SHISA9: variants seen among roughly 807,000 people sequenced by gnomAD.
The protein encoded by SHISA9 is shisa family member 9.
A neutral mutation model predicts 38.0 loss-of-function variants in SHISA9; 13 were observed. The observed-to-expected ratio is 0.34, with a 90% confidence interval of 0.22 to 0.54. The LOEUF is 0.54. SHISA9 is among the 20% of genes least tolerant of loss of function. The pLI is 0.91. For synonymous variants in SHISA9, 275 were observed against 242.0 expected (o/e 1.14, Z -1.27); for missense variants, 538 against 575.8 (o/e 0.93, Z 0.67).
the SHISA9 span, among the ~76,000 whole-genome samples, chr16:13,488,906 C>G: frequency 1.3e-5 from 2 of 152,104 alleles, no homozygotes; most frequent in Admixed American, 6.5e-5. Context: ...GGACTACAGG[C>G]GCCTGCCACC....
intron 2 of SHISA9, among the ~76,000 whole-genome samples, chr16:13,011,370 A>C (rs2072672231): frequency 1.4e-5 from 2 of 142,774 alleles, no homozygotes; most frequent in Admixed American, 1.5e-4. Context: ...CATTTAGCAC[A>C]AATCCCCAAT....
At chr16:13,251,285 G>A in the SHISA9 span, among the ~76,000 whole-genome samples, 1 of 152,060 alleles carries the variant, frequency 6.6e-6, no homozygotes, top group East Asian at 1.9e-4. Context: ...CCCAACTCCT[G>A]TATTTGATAT....
At chr16:13,115,790 G>A (rs1000550331) in intron 2 of SHISA9, among the ~76,000 whole-genome samples, 2 of 152,202 alleles carry the variant, frequency 1.3e-5, no homozygotes, top group Non-Finnish European at 2.9e-5. Flanking sequence ...CAGCTGACTA[G>A]TAGCTTACCT....
intron 2 of SHISA9, among the ~76,000 whole-genome samples, chr16:13,106,967 TCTC>T (rs2073930979): frequency 3.3e-4 from 1 of 3,024 alleles, no homozygotes; most frequent in South Asian, 0.015. Context: ...TTTCTCACGT[TCTC>T]TCTCTCTCTC....
At chr16:13,160,667 T>C (rs2050587315) in intron 2 of SHISA9, among the ~76,000 whole-genome samples, 1 of 152,186 alleles carries the variant, frequency 6.6e-6, no homozygotes, top group Non-Finnish European at 1.5e-5. Context: ...ATGCGCTCTT[T>C]GGGGCAGGTT....
chr16:13,066,134 C>A (rs1470335537), intron 2 of SHISA9, among the ~76,000 whole-genome samples: 1 of 152,268 alleles, frequency 6.6e-6, no homozygotes, highest in Non-Finnish European at 1.5e-5. Context: ...CATCCTTTTC[C>A]TCTTGCTATG....
At chr16:13,327,831 A>AT in the SHISA9 span, among the ~76,000 whole-genome samples, 40 of 151,300 alleles carry the variant, frequency 2.6e-4, no homozygotes, top group Non-Finnish European at 4.6e-4. Context: ...TAATTTTTGT[A>AT]TTTTTTTAGT....
the SHISA9 span, among the ~76,000 whole-genome samples, chr16:13,392,423 A>G: frequency 6.6e-6 from 1 of 152,204 alleles, no homozygotes; most frequent in Non-Finnish European, 1.5e-5. Flanking sequence ...TAAAAAAGAA[A>G]ACATGTTTCA....
At chr16:13,205,351 T>C (rs2051054089) in intron 3 of SHISA9, among the ~76,000 whole-genome samples, 1 of 152,222 alleles carries the variant, frequency 6.6e-6, no homozygotes, top group Non-Finnish European at 1.5e-5. Context: ...GGGAAATTCC[T>C]TTTCTTTCCT....
intron 2 of SHISA9, among the ~76,000 whole-genome samples, chr16:13,102,498 A>T (rs1485554021): frequency 6.6e-6 from 1 of 152,194 alleles, no homozygotes; most frequent in Non-Finnish European, 1.5e-5. Flanking sequence ...TGGAACACTG[A>T]GAGGCAAGGG....
At chr16:13,306,978 TTACAC>T in the SHISA9 span, among the ~76,000 whole-genome samples, 2 of 152,336 alleles carry the variant, frequency 1.3e-5, no homozygotes, top group South Asian at 4.1e-4. Context: ...AATGAAATGT[TTACAC>T]TGCATGCAGA....
the SHISA9 span, among the ~76,000 whole-genome samples, chr16:13,405,504 T>C: frequency 6.6e-6 from 1 of 152,150 alleles, no homozygotes; most frequent in Non-Finnish European, 1.5e-5. Flanking sequence ...AGGTTTGGGG[T>C]GATATGCGCA....
At chr16:13,001,536 A>T (rs1220934815) in intron 2 of SHISA9, among the ~76,000 whole-genome samples, 2 of 152,222 alleles carry the variant, frequency 1.3e-5, no homozygotes, top group African/African-American at 2.4e-5. Flanking sequence ...CTATGGTAGA[A>T]AAAAATCAAA....
the SHISA9 span, among the ~76,000 whole-genome samples, chr16:13,377,221 G>A: frequency 6.6e-6 from 1 of 152,180 alleles, no homozygotes; most frequent in African/African-American, 2.4e-5. Context: ...AGCCTTAGGG[G>A]CGGCATTCAT....
intron 2 of SHISA9, among the ~76,000 whole-genome samples, chr16:13,084,203 C>T (rs1177893212): frequency 6.6e-6 from 1 of 152,186 alleles, no homozygotes; most frequent in African/African-American, 2.4e-5. Flanking sequence ...TCCAAGTTCA[C>T]AGAGAGAGTC....
the SHISA9 span, among the ~76,000 whole-genome samples, chr16:13,273,720 A>G: frequency 3.3e-5 from 5 of 152,264 alleles, no homozygotes; most frequent in East Asian, 9.7e-4. Flanking sequence ...TTGCACAGGA[A>G]AATTATGAAA....
intron 2 of SHISA9, among the ~76,000 whole-genome samples, chr16:12,968,534 GAATA>G (rs1256227500): frequency 2.3e-4 from 35 of 152,328 alleles, no homozygotes; most frequent in African/African-American, 7.7e-4. Context: ...ATGGCTGAAT[GAATA>G]AATAAATTGC....
At chr16:13,081,126 G>C (rs955110573) in intron 2 of SHISA9, among the ~76,000 whole-genome samples, 13 of 152,214 alleles carry the variant, frequency 8.5e-5, no homozygotes, top group African/African-American at 3.1e-4. Context: ...CTAAATGATG[G>C]AGAATTGGGG....
At chr16:13,394,558 C>G in the SHISA9 span, among the ~76,000 whole-genome samples, 2 of 152,210 alleles carry the variant, frequency 1.3e-5, no homozygotes, top group Non-Finnish European at 2.9e-5. Flanking sequence ...CCCTGCCCTA[C>G]TCAGGATCCT....
Sources: gnomAD v4.1 joint callset for allele counts (sites outside exome capture counted in the v4.1 genomes callset) on GRCh38, gnomAD v4.1.1 for gene constraint, MANE v1.5 for transcripts, NCBI Gene and HGNC (gene_info 2026-07-23, HGNC 2026-07-21) for gene names.